USP47: variants seen among roughly 807,000 people sequenced by gnomAD.
The protein encoded by USP47 is ubiquitin specific peptidase 47.
In USP47, 35 loss-of-function variants were observed where a neutral mutation model predicts 165.1. The observed-to-expected ratio is 0.21, with a 90% CI of 0.16 to 0.28. USP47 has a LOEUF of 0.28. Among genes scored for constraint, USP47 ranks in the 10% least tolerant of loss-of-function variants. USP47 has a pLI of 1.00. For missense variants in USP47, 1,277 were observed against 1,607.4 expected, an observed-to-expected ratio of 0.79 and a Z score of 3.52; for synonymous variants, 531 against 544.5, an observed-to-expected ratio of 0.98 and a Z score of 0.35.
At chr11:11,849,546 A>C (rs1025800141) in intron 1 of USP47, among the ~76,000 whole-genome samples, 6 of 152,340 alleles carry the variant, frequency 3.9e-5, no homozygotes, top group African/African-American at 7.2e-5. Flanking sequence ...AGCCCAAACT[A>C]TCTCTCAAGT....
intron 8 of USP47, among the ~76,000 whole-genome samples, chr11:11,911,188 A>G (rs1265289838): frequency 6.6e-6 from 1 of 152,186 alleles, no homozygotes; most frequent in Admixed American, 6.5e-5. Flanking sequence ...AACAGCAGAG[A>G]GAAGATAGAC....
intron 4 of USP47, among the ~76,000 whole-genome samples, chr11:11,897,210 C>T (rs1411246977): frequency 1.3e-5 from 2 of 151,454 alleles, no homozygotes; most frequent in South Asian, 2.1e-4. Context: ...TATGTTTATG[C>T]TTTTCCATTA....
intron 1 of USP47, among the ~76,000 whole-genome samples, chr11:11,865,731 T>G (rs1849639959): frequency 6.6e-6 from 1 of 152,156 alleles, no homozygotes; most frequent in African/African-American, 2.4e-5. Flanking sequence ...ATAATGGGTG[T>G]GAAGTCGTTA....
intron 1 of USP47, among the ~76,000 whole-genome samples, chr11:11,875,039 G>GTC (rs1850308692): frequency 2.5e-5 from 2 of 78,572 alleles, no homozygotes; most frequent in African/African-American, 8.8e-5. Flanking sequence ...CTTATTGTGT[G>GTC]TGTGTGTGTG....
intron 1 of USP47, among the ~76,000 whole-genome samples, chr11:11,853,058 T>A (rs1390003766): frequency 6.6e-6 from 1 of 152,150 alleles, no homozygotes; most frequent in African/African-American, 2.4e-5. Flanking sequence ...TTTGGATTAG[T>A]CATATAGATT....
chr11:11,948,695 G>A, intron 22 of USP47, 137 bp downstream of exon 22: 1 of 659,304 alleles, frequency 1.5e-6, no homozygotes, highest in Non-Finnish European at 2.6e-6. Flanking sequence ...AGTTTAGCAG[G>A]CCATACTGCC....
intron 1 of USP47, among the ~76,000 whole-genome samples, chr11:11,858,481 C>T (rs1849190063): frequency 6.6e-6 from 1 of 152,132 alleles, no homozygotes; most frequent in South Asian, 2.1e-4. Flanking sequence ...CTACCATAGT[C>T]AAAATATAGA....
chr11:11,860,091 G>GAA (rs71037045), intron 1 of USP47, among the ~76,000 whole-genome samples: 30 of 137,598 alleles, frequency 2.2e-4, no homozygotes, highest in Non-Finnish European at 3.6e-4. Flanking sequence ...GCAACAGAAG[G>GAA]AAAAAAAAAA....
In USP47 at chr11:11,897,186, C is replaced by T. The variant is rs144641442; in HGVS notation, c.497-411C>T. 2.4e-3 allele frequency among the ~76,000 whole-genome samples: 370 copies of T among 151,200 alleles called. 4 individuals carry two copies. Among genetic ancestry groups the T allele is most frequent in the African/African-American group, 8.6e-3 (355 of 41,124 alleles). Reference sequence around the variant, plus strand: ...CTTTCTACACTGGATGTGTGTGGTGCTGTTTAAAGTGAATATGTTTATGCT... The same window carrying T: ...CTTTCTACACTGGATGTGTGTGGTGTTGTTTAAAGTGAATATGTTTATGCT... On this transcript the variant is annotated intron_variant, in intron 4 of 27. Transcript: ENST00000527733.
At chr11:11,862,749 G>A (rs187180107) in intron 1 of USP47, among the ~76,000 whole-genome samples, 1 of 152,006 alleles carries the variant, frequency 6.6e-6, no homozygotes, top group African/African-American at 2.4e-5. Flanking sequence ...TAGAGATAGG[G>A]TCTCGCCATG....
intron 11 of USP47, among the ~76,000 whole-genome samples, chr11:11,923,110 A>C (rs540470732): frequency 2.7e-4 from 39 of 144,042 alleles, no homozygotes; most frequent in African/African-American, 9.7e-4. Context: ...TTCAGGAAAA[A>C]CTGCTTACAG....
intron 10 of USP47, among the ~76,000 whole-genome samples, chr11:11,920,803 A>T (rs1451833359): frequency 2.6e-5 from 4 of 151,812 alleles, no homozygotes; most frequent in Admixed American, 6.6e-5. Flanking sequence ...CTTATATTTT[A>T]TAATTTCGTC....
chr11:11,883,066 C>T (rs924915693), intron 2 of USP47, among the ~76,000 whole-genome samples: 5 of 152,164 alleles, frequency 3.3e-5, no homozygotes, highest in Admixed American at 3.3e-4. Context: ...CATTTAGCTA[C>T]CCACCACCTT....
intron 8 of USP47, among the ~76,000 whole-genome samples, chr11:11,906,945 A>G (rs1852611710): frequency 6.6e-6 from 1 of 152,162 alleles, no homozygotes. Flanking sequence ...ACTATTTTTT[A>G]TACCTTATTT....
chr11:11,873,656 AAAATT>A (rs1358513951), intron 1 of USP47: 40 of 387,466 alleles, frequency 1.0e-4, no homozygotes, highest in Middle Eastern at 6.8e-4. Flanking sequence ...ATTCATGAAT[AAAATT>A]CTAGATGATG....
chr11:11,949,016 T>G (rs1425596716), intron 22 of USP47: 1 of 154,498 alleles, frequency 6.5e-6, no homozygotes, highest in African/African-American at 2.4e-5. Context: ...ATTTATATAG[T>G]GTCTACTGTG....
chr11:11,887,882 A>G (rs1228998964), intron 3 of USP47, among the ~76,000 whole-genome samples: 1 of 152,218 alleles, frequency 6.6e-6, no homozygotes, highest in Non-Finnish European at 1.5e-5. Flanking sequence ...CTCTCAGACC[A>G]TAGCACAATC....
At position 11,841,990 on chromosome 11, in the gene USP47, A is replaced by AGCGGCGGCG. The variant is rs879556356; in HGVS notation, c.-185_-177dup. 2.8e-5 allele frequency: 15 copies of AGCGGCGGCG among 531,388 alleles called. No homozygotes were observed. Among genetic ancestry groups the AGCGGCGGCG allele is most frequent in the African/African-American group, 6.0e-5 (3 of 50,002 alleles). 32.9% of individuals were successfully genotyped at this position (531,388 alleles called of 1,614,324 possible). ...GGCCGACGACGAAGGCGGCTGTGGT[A>AGCGGCGGCG]GCGGCGGCGGCGGCGGCGGAGCCCT... On this transcript the variant is annotated 5_prime_UTR_variant, in exon 1 of 28. Transcript: ENST00000527733.
intron 17 of USP47, among the ~76,000 whole-genome samples, chr11:11,937,335 A>G (rs1301275629): frequency 1.3e-5 from 2 of 151,882 alleles, no homozygotes; most frequent in African/African-American, 2.4e-5. Context: ...TTTTTTCCCT[A>G]AAAGTTGAAC....
Sources: allele counts gnomAD v4.1 joint callset (sites outside exome capture counted in the v4.1 genomes callset), GRCh38; gene constraint gnomAD v4.1.1; transcripts MANE v1.5; gene names NCBI Gene and HGNC (gene_info 2026-07-23, HGNC 2026-07-21).